Variants in KDM4C observed in about 807,000 individuals in gnomAD.
KDM4C encodes lysine-specific demethylase 4C.
Under a neutral mutation model 129.3 loss-of-function variants are expected in KDM4C, and 81 were observed. The observed-to-expected ratio is 0.63, with a 90% CI of 0.52 to 0.75. The LOEUF is 0.75. Among genes scored for constraint, KDM4C ranks in the 30% least tolerant of loss-of-function variants. The pLI, the probability that KDM4C is intolerant of heterozygous loss-of-function variation, is 0.00. For synonymous variants in KDM4C, 573 were observed against 456.1 expected (o/e 1.26, Z -3.26); for missense variants, 1,457 against 1,304.0 (o/e 1.12, Z -1.81).
chr9:6,957,504 A>T (rs1340627782), intron 8 of KDM4C, among the ~76,000 whole-genome samples: 2 of 149,052 alleles, frequency 1.3e-5, no homozygotes, highest in African/African-American at 2.5e-5. Flanking sequence ...ATATTAGGTA[A>T]TTTTTTTTTT....
chr9:6,950,023 C>G (rs1308459137), intron 8 of KDM4C, among the ~76,000 whole-genome samples: 1 of 147,240 alleles, frequency 6.8e-6, no homozygotes, highest in Non-Finnish European at 1.5e-5. Context: ...TGAAACTTCT[C>G]TGGCCACCCA....
upstream of KDM4C, among the ~76,000 whole-genome samples, chr9:6,756,745 G>T (rs937661902): frequency 6.6e-6 from 1 of 152,176 alleles, no homozygotes; most frequent in Non-Finnish European, 1.5e-5. Flanking sequence ...GTGTGTAGCG[G>T]AACTTTGTTT....
At chr9:6,894,534 A>T (rs1484676813) in intron 8 of KDM4C, among the ~76,000 whole-genome samples, 2 of 152,248 alleles carry the variant, frequency 1.3e-5, no homozygotes, top group African/African-American at 4.8e-5. Flanking sequence ...ACCTTTACTT[A>T]CAGATATAAG....
At chr9:7,034,098 A>G (rs146913112) in intron 15 of KDM4C, among the ~76,000 whole-genome samples, 1 of 152,164 alleles carries the variant, frequency 6.6e-6, no homozygotes, top group South Asian at 2.1e-4. Flanking sequence ...TTAAATTGAC[A>G]TAATTGTACA....
At chr9:7,068,481 G>C (rs1832738234) in intron 17 of KDM4C, among the ~76,000 whole-genome samples, 2 of 152,062 alleles carry the variant, frequency 1.3e-5, no homozygotes, top group Non-Finnish European at 2.9e-5. Flanking sequence ...AATAATGGTT[G>C]TAAGCTTTGG....
chr9:7,020,546 C>T (rs1412571266), intron 15 of KDM4C, among the ~76,000 whole-genome samples: 1 of 152,112 alleles, frequency 6.6e-6, no homozygotes, highest in Admixed American at 6.5e-5. Flanking sequence ...CATTTTAGAG[C>T]ACGTTCCAAA....
chr9:7,138,029 C>T (rs1841389642), intron 19 of KDM4C, among the ~76,000 whole-genome samples: 1 of 152,242 alleles, frequency 6.6e-6, no homozygotes, highest in East Asian at 1.9e-4. Context: ...AGTTAATTTT[C>T]ATGGGTGAGA....
chr9:7,074,103 A>C (rs908653975), intron 17 of KDM4C, among the ~76,000 whole-genome samples: 11 of 152,178 alleles, frequency 7.2e-5, no homozygotes, highest in African/African-American at 2.7e-4. Context: ...CTTTATAGAG[A>C]AAAAGGATGT....
intron 15 of KDM4C, among the ~76,000 whole-genome samples, chr9:7,043,296 T>A: frequency 6.6e-6 from 1 of 152,000 alleles, no homozygotes; most frequent in East Asian, 1.9e-4. Flanking sequence ...TCCTACCTTC[T>A]CCTTAAATTC....
intron 4 of KDM4C, among the ~76,000 whole-genome samples, chr9:6,824,188 T>G (rs996565599): frequency 6.6e-6 from 1 of 152,338 alleles, no homozygotes; most frequent in East Asian, 1.9e-4. Context: ...TGAAGGTTAC[T>G]TGTATTTGTT....
intron 1 of KDM4C, among the ~76,000 whole-genome samples, chr9:6,789,554 C>G (rs765869804): frequency 2.6e-5 from 4 of 151,452 alleles, no homozygotes; most frequent in Non-Finnish European, 5.9e-5. Flanking sequence ...TTTTTAGAGA[C>G]AGGGTTTCGC....
At chr9:6,883,671 A>G (rs1431127543) in intron 6 of KDM4C, among the ~76,000 whole-genome samples, 1 of 152,196 alleles carries the variant, frequency 6.6e-6, no homozygotes, top group East Asian at 1.9e-4. Flanking sequence ...AATGGAGAGG[A>G]AGAATTCAGG....
At chr9:6,849,722 C>A in intron 5 of KDM4C, 22 bp downstream of exon 5, 1 of 1,520,674 alleles carries the variant, frequency 6.6e-7, no homozygotes, top group South Asian at 1.3e-5. Flanking sequence ...GTTTAATATT[C>A]ATTTACTTTG....
chr9:6,972,077 C>T (rs1832077921), intron 8 of KDM4C, among the ~76,000 whole-genome samples: 1 of 151,896 alleles, frequency 6.6e-6, no homozygotes, highest in Non-Finnish European at 1.5e-5. Context: ...TTACACGTGG[C>T]AAGTGATTTG....
intron 5 of KDM4C, among the ~76,000 whole-genome samples, chr9:6,867,868 C>G (rs116132679): frequency 6.6e-6 from 1 of 152,068 alleles, no homozygotes; most frequent in East Asian, 1.9e-4. Flanking sequence ...AGTAGCAGAA[C>G]GCTTGTGGGC....
intron 5 of KDM4C, among the ~76,000 whole-genome samples, chr9:6,865,435 C>T (rs1841779129): frequency 2.0e-5 from 3 of 152,310 alleles, no homozygotes; most frequent in Admixed American, 6.5e-5. Context: ...TTATTAGGGC[C>T]AGTCAGTCAC....
chr9:7,074,375 C>T (rs1428583764), intron 17 of KDM4C, among the ~76,000 whole-genome samples: 2 of 152,004 alleles, frequency 1.3e-5, no homozygotes, highest in African/African-American at 2.4e-5. Flanking sequence ...CCATGTTGGC[C>T]AGGGTGATCT....
chr9:6,975,987 G>C (rs1159515639), intron 8 of KDM4C, among the ~76,000 whole-genome samples: 1 of 152,232 alleles, frequency 6.6e-6, no homozygotes, highest in Non-Finnish European at 1.5e-5. Context: ...GCAGTGAGCC[G>C]AGATTGCGCC....
Position 6,808,790 on chromosome 9 carries a change from G to A in KDM4C, c.320+3016G>A, listed in dbSNP as rs183986132. On this transcript the variant is annotated intron_variant, in intron 3 of 21. Transcript: ENST00000381309. ...AGTGTAGCTAGCCTACACTCAAGGG[G>A]AGGAGAATGAAGCTCTACTTCTTGA... Among the ~76,000 whole-genome samples the A allele has an allele frequency of 3.6e-3, 546 of 152,192 alleles. 3 individuals are homozygous for A. Among genetic ancestry groups the A allele is most frequent in the Non-Finnish European group, 6.3e-3 (427 of 68,014 alleles).
Sources: gnomAD v4.1 joint callset for allele counts (sites outside exome capture counted in the v4.1 genomes callset) on GRCh38, gnomAD v4.1.1 for gene constraint, MANE v1.5 for transcripts, NCBI Gene and HGNC (gene_info 2026-07-23, HGNC 2026-07-21) for gene names.